The following ACBD6 variants were observed in gnomAD, a reference collection of about 807,000 sequenced individuals.
The protein encoded by ACBD6 is acyl-CoA binding domain containing 6, also known as acyl-CoA-binding domain-containing protein 6.
A neutral mutation model predicts 37.2 loss-of-function variants in ACBD6; 28 were observed. That is an observed-to-expected ratio of 0.75 (90% CI 0.56 to 1.03). The LOEUF (loss-of-function observed/expected upper bound fraction) is 1.03, where lower values mean the gene tolerates loss of function less well. Among genes scored for constraint, ACBD6 ranks in the 50% least tolerant of loss-of-function variants. The pLI, the probability that ACBD6 is intolerant of heterozygous loss-of-function variation, is 0.00. For synonymous variants in ACBD6, 113 were observed against 126.8 expected (o/e 0.89, Z 0.73); for missense variants, 340 against 337.4 (o/e 1.01, Z -0.06).
chr1:180,426,712 A>G (rs1648594998), intron 4 of ACBD6, among the ~76,000 whole-genome samples: 1 of 152,190 alleles, frequency 6.6e-6, no homozygotes, highest in Non-Finnish European at 1.5e-5. Context: ...GAATAACAAT[A>G]CTATTTATAA....
intron 4 of ACBD6, among the ~76,000 whole-genome samples, chr1:180,415,242 C>T (rs977832434): frequency 1.3e-5 from 2 of 151,896 alleles, no homozygotes; most frequent in Non-Finnish European, 2.9e-5. Context: ...ACTAAAAATA[C>T]ACAAATTAGC....
rs190287191 is a variant in ACBD6, at chr1:180,378,129, T to C, written c.663+19387A>G. ...CATAACGAAGTGATCAAGGTTAACATCTCCAGTAATCAGACATAATATTAT... is the reference window on the plus strand; with the variant it reads ...CATAACGAAGTGATCAAGGTTAACACCTCCAGTAATCAGACATAATATTAT... On this transcript the variant is annotated intron_variant, in intron 6 of 7. Coordinates refer to ENST00000367595, the MANE Select transcript of ACBD6 (RefSeq NM_032360.4). 4.9e-4 allele frequency among the ~76,000 whole-genome samples: 75 copies of C among 152,074 alleles called. 1 individual carries two copies. The East Asian group carries it at 0.011, about 23-fold the overall frequency.
intron 3 of ACBD6, among the ~76,000 whole-genome samples, chr1:180,458,398 CA>C (rs1400355119): frequency 6.6e-6 from 1 of 152,110 alleles, no homozygotes; most frequent in East Asian, 1.9e-4. Context: ...GTATATTAAT[CA>C]AGACACCTGC....
At chr1:180,436,772 A>T (rs1371099422) in intron 3 of ACBD6, among the ~76,000 whole-genome samples, 1 of 152,182 alleles carries the variant, frequency 6.6e-6, no homozygotes, top group African/African-American at 2.4e-5. Context: ...ACATCACTTT[A>T]AAAAAACCTG....
At chr1:180,377,167 A>C (rs1458869025) in intron 6 of ACBD6, among the ~76,000 whole-genome samples, 1 of 152,246 alleles carries the variant, frequency 6.6e-6, no homozygotes, top group African/African-American at 2.4e-5. Flanking sequence ...CTGTGAGAAA[A>C]AGTTATAAAT....
chr1:180,338,387 A>G (rs1490096784), intron 6 of ACBD6, among the ~76,000 whole-genome samples: 1 of 152,194 alleles, frequency 6.6e-6, no homozygotes. Context: ...ATCTACAACT[A>G]TCTGATCTTT....
At chr1:180,484,637 A>G (rs894904936) in intron 3 of ACBD6, among the ~76,000 whole-genome samples, 4 of 152,222 alleles carry the variant, frequency 2.6e-5, no homozygotes, top group African/African-American at 9.6e-5. Context: ...GATATAGGAT[A>G]TACACGTGTC....
At chr1:180,458,595 G>A (rs1199421810) in intron 3 of ACBD6, among the ~76,000 whole-genome samples, 4 of 151,898 alleles carry the variant, frequency 2.6e-5, no homozygotes, top group Non-Finnish European at 4.4e-5. Context: ...AATTAACCAG[G>A]GCCTAAAAAA....
intron 7 of ACBD6, among the ~76,000 whole-genome samples, chr1:180,306,250 A>T (rs1259610141): frequency 6.6e-6 from 1 of 151,100 alleles, no homozygotes; most frequent in East Asian, 1.9e-4. Flanking sequence ...AAGTATAATA[A>T]TAAAAAAAAA....
At chr1:180,292,342 G>A (rs1051407882) in intron 7 of ACBD6, among the ~76,000 whole-genome samples, 13 of 151,996 alleles carry the variant, frequency 8.6e-5, no homozygotes, top group Non-Finnish European at 1.0e-4. Context: ...CCTTAATTTC[G>A]ATAATATTTA....
At chr1:180,439,624 C>T (rs2102011096) in intron 3 of ACBD6, among the ~76,000 whole-genome samples, 1 of 152,140 alleles carries the variant, frequency 6.6e-6, no homozygotes, top group East Asian at 1.9e-4. Flanking sequence ...GAGTTTTTGA[C>T]TCCCTAGTCC....
chr1:180,352,948 C>A lies in ACBD6; in HGVS notation c.664-38226G>T, dbSNP rs376843945. 5.3e-5 allele frequency among the ~76,000 whole-genome samples: 8 copies of A among 152,272 alleles called. No homozygotes were observed. The East Asian group carries it at 9.6e-4, about 18-fold the overall frequency. ...TCAAGCTCATTCCTACTTCAGGGAC[C>A]TTTTTATTACGACTTATAGCAACTT... On this transcript the variant is annotated intron_variant, in intron 6 of 7. Coordinates refer to ENST00000367595, the MANE Select transcript of ACBD6 (RefSeq NM_032360.4).
intron 3 of ACBD6, chr1:180,435,266 TG>T: frequency 3.3e-6 from 2 of 602,688 alleles, no homozygotes; most frequent in Admixed American, 2.2e-5. Context: ...ATTTTTTTTT[TG>T]AGACGGAGTC....
chr1:180,315,007 G>C (rs1019585920), intron 6 of ACBD6, among the ~76,000 whole-genome samples: 3 of 152,144 alleles, frequency 2.0e-5, no homozygotes, highest in Non-Finnish European at 4.4e-5. Flanking sequence ...TTCTTAAAGT[G>C]AGGCAGTTTG....
chr1:180,469,269 C>T (rs1455878865), intron 3 of ACBD6, among the ~76,000 whole-genome samples: 1 of 152,118 alleles, frequency 6.6e-6, no homozygotes, highest in Non-Finnish European at 1.5e-5. Flanking sequence ...CTTTGCCATA[C>T]TCCAAGAATT....
At chr1:180,452,975 T>G (rs7548328) in intron 3 of ACBD6, among the ~76,000 whole-genome samples, 6,651 of 152,170 alleles carry the variant, frequency 0.044, 463 homozygotes, top group African/African-American at 0.14. Flanking sequence ...GCTGACGAAA[T>G]CTACCAGAGG....
At chr1:180,372,961 G>A (rs1653316455) in intron 6 of ACBD6, among the ~76,000 whole-genome samples, 1 of 152,062 alleles carries the variant, frequency 6.6e-6, no homozygotes, top group Admixed American at 6.6e-5. Flanking sequence ...TCCCAGACCG[G>A]GACTTTGACC....
chr1:180,397,445 T>C, intron 6 of ACBD6, 71 bp downstream of exon 6: 1 of 1,313,926 alleles, frequency 7.6e-7, no homozygotes, highest in East Asian at 2.3e-5. Context: ...AAAGAGTTAA[T>C]CTGGTAAATT....
intron 7 of ACBD6, among the ~76,000 whole-genome samples, chr1:180,292,670 G>A (rs1367187047): frequency 6.6e-6 from 1 of 151,292 alleles, no homozygotes; most frequent in Non-Finnish European, 1.5e-5. Context: ...CATCACCTAC[G>A]AGAAAAGGAA....
Sources: allele counts gnomAD v4.1 joint callset (sites outside exome capture counted in the v4.1 genomes callset), GRCh38; gene constraint gnomAD v4.1.1; transcripts MANE v1.5; gene names NCBI Gene and HGNC (gene_info 2026-07-23, HGNC 2026-07-21).